C1QTNF3: variants seen among roughly 807,000 people sequenced by gnomAD.
The protein encoded by C1QTNF3 is C1q and TNF related 3.
Under a neutral mutation model 32.6 loss-of-function variants are expected in C1QTNF3, and 26 were observed. The observed-to-expected ratio is 0.80, with a 90% confidence interval of 0.58 to 1.11. The LOEUF is 1.11. Ranked by LOEUF, C1QTNF3 falls within the 50% of genes least tolerant of loss-of-function variation. The pLI is 0.00. For missense variants in C1QTNF3, 362 were observed against 398.2 expected, an observed-to-expected ratio of 0.91 and a Z score of 0.77; for synonymous variants, 155 against 146.0, an observed-to-expected ratio of 1.06 and a Z score of -0.44.
the C1QTNF3 span, among the ~76,000 whole-genome samples, chr5:34,094,455 A>G: frequency 1.3e-5 from 2 of 152,036 alleles, no homozygotes; most frequent in South Asian, 4.2e-4. Flanking sequence ...AATAATTAAA[A>G]TAGAGCAAGT....
At chr5:34,112,490 T>C in the C1QTNF3 span, among the ~76,000 whole-genome samples, 1 of 123,666 alleles carries the variant, frequency 8.1e-6, no homozygotes, top group African/African-American at 2.7e-5. Context: ...GGATACTCCA[T>C]CTCTACCAAA....
the C1QTNF3 span, among the ~76,000 whole-genome samples, chr5:34,101,044 G>A: frequency 6.7e-6 from 1 of 150,236 alleles, no homozygotes; most frequent in Admixed American, 6.7e-5. Context: ...ACATTGGTTT[G>A]TATAAATATT....
At chr5:34,083,690 G>A in the C1QTNF3 span, among the ~76,000 whole-genome samples, 17 of 151,780 alleles carry the variant, frequency 1.1e-4, no homozygotes, top group Middle Eastern at 6.8e-3. Context: ...GGAACTGCTC[G>A]GTCTCCAAGG....
chr5:34,073,163 T>C, the C1QTNF3 span, among the ~76,000 whole-genome samples: 5 of 151,932 alleles, frequency 3.3e-5, no homozygotes, highest in African/African-American at 1.2e-4. Context: ...CTGTCTCTAC[T>C]AAAAATTCAA....
chr5:34,052,236 C>T, the C1QTNF3 span, among the ~76,000 whole-genome samples: 1 of 152,170 alleles, frequency 6.6e-6, no homozygotes, highest in Non-Finnish European at 1.5e-5. Context: ...TGGACTGTCC[C>T]ACTCGATAGA....
the C1QTNF3 span, among the ~76,000 whole-genome samples, chr5:34,222,177 A>C: frequency 6.6e-6 from 1 of 152,048 alleles, no homozygotes; most frequent in African/African-American, 2.4e-5. Flanking sequence ...AACTCTAGAA[A>C]TAAATGTTAA....
the C1QTNF3 span, among the ~76,000 whole-genome samples, chr5:34,086,195 A>C: frequency 1.3e-5 from 2 of 151,222 alleles, no homozygotes. Flanking sequence ...AGGAACAGAA[A>C]ATCAAACACT....
the C1QTNF3 span, among the ~76,000 whole-genome samples, chr5:34,226,633 G>C: frequency 3.3e-5 from 5 of 151,464 alleles, no homozygotes; most frequent in South Asian, 2.1e-4. Flanking sequence ...AGGTTTAGGG[G>C]CATCAAACCT....
At chr5:34,060,122 A>C in the C1QTNF3 span, among the ~76,000 whole-genome samples, 23 of 152,346 alleles carry the variant, frequency 1.5e-4, no homozygotes, top group East Asian at 4.4e-3. Context: ...CTTTTCATGC[A>C]AATACTTCCT....
chr5:34,225,046 G>C, the C1QTNF3 span, among the ~76,000 whole-genome samples: 3 of 152,028 alleles, frequency 2.0e-5, no homozygotes, highest in Admixed American at 6.6e-5. Flanking sequence ...AAAAACACAT[G>C]AAGAAATGCT....
the C1QTNF3 span, among the ~76,000 whole-genome samples, chr5:34,228,128 G>T: frequency 1.3e-5 from 2 of 151,844 alleles, no homozygotes; most frequent in Non-Finnish European, 2.9e-5. Flanking sequence ...TTTTCGGAAG[G>T]TAGAAAGATG....
intron 5 of C1QTNF3, among the ~76,000 whole-genome samples, chr5:34,022,568 G>GT (rs1754358226): frequency 1.3e-5 from 2 of 152,216 alleles, no homozygotes; most frequent in South Asian, 4.1e-4. Context: ...GACATGTATT[G>GT]TAAGTGTAGG....
At chr5:34,028,622 A>C in intron 4 of C1QTNF3, 132 bp downstream of exon 4, 3 of 704,850 alleles carry the variant, frequency 4.3e-6, no homozygotes, top group African/African-American at 1.8e-5. Flanking sequence ...GTCATTCTTT[A>C]TTTCCTACTC....
At chr5:34,169,699 T>C in the C1QTNF3 span, among the ~76,000 whole-genome samples, 2 of 152,116 alleles carry the variant, frequency 1.3e-5, no homozygotes, top group African/African-American at 4.8e-5. Flanking sequence ...TGATGTCATA[T>C]TCAAAAAGTC....
the C1QTNF3 span, among the ~76,000 whole-genome samples, chr5:34,207,862 A>C: frequency 1.3e-5 from 2 of 151,066 alleles, no homozygotes; most frequent in Non-Finnish European, 2.9e-5. Flanking sequence ...ATCTCAGCTT[A>C]CTGCAAACTC....
chr5:34,079,419 C>T, the C1QTNF3 span, among the ~76,000 whole-genome samples: 1 of 151,476 alleles, frequency 6.6e-6, no homozygotes, highest in Admixed American at 6.6e-5. Flanking sequence ...GTGGTTTCAC[C>T]CATTCGCATT....
At chr5:34,220,590 A>G in the C1QTNF3 span, among the ~76,000 whole-genome samples, 1 of 151,918 alleles carries the variant, frequency 6.6e-6, no homozygotes, top group Non-Finnish European at 1.5e-5. Flanking sequence ...AACATAGTGT[A>G]TATGCAACTT....
chr5:34,089,885 G>C, the C1QTNF3 span, among the ~76,000 whole-genome samples: 1 of 152,094 alleles, frequency 6.6e-6, no homozygotes, highest in African/African-American at 2.4e-5. Flanking sequence ...GAAAATTGAA[G>C]GACTTCACAT....
Position 34,035,535 on chromosome 5 carries a change from AG to A in C1QTNF3, c.415+111del, listed in dbSNP as rs1018620619. The A allele has an allele frequency of 2.4e-5, 19 of 793,824 alleles. No homozygotes were observed. In the African/African-American group the frequency reaches 2.8e-4, roughly 12 times the overall value. The allele number at this position is 793,824 out of a possible 1,614,324, so 49.2% of individuals were successfully genotyped here. Reference sequence around the variant, plus strand: ...TGGTATTCCAGGGTGCCAAGAGTCTAGCGGATCCTTTGGATCACACAGAAGT... The same window carrying A: ...TGGTATTCCAGGGTGCCAAGAGTCTACGGATCCTTTGGATCACACAGAAGT... On this transcript the variant is annotated intron_variant, in intron 2 of 5. Coordinates refer to ENST00000382065, the MANE Select transcript of C1QTNF3 (RefSeq NM_181435.6).
Sources: allele counts gnomAD v4.1 joint callset (sites outside exome capture counted in the v4.1 genomes callset), GRCh38; gene constraint gnomAD v4.1.1; transcripts MANE v1.5; gene names NCBI Gene and HGNC (gene_info 2026-07-23, HGNC 2026-07-21).